GABRA1: variants seen among roughly 807,000 people sequenced by gnomAD.
The protein encoded by GABRA1 is gamma-aminobutyric acid type A receptor subunit alpha1.
In GABRA1, 9 loss-of-function variants were observed where a neutral mutation model predicts 48.9. That is an observed-to-expected ratio of 0.18 (90% CI 0.11 to 0.32). The LOEUF (loss-of-function observed/expected upper bound fraction) is 0.32, where lower values mean the gene tolerates loss of function less well. Among genes scored for constraint, GABRA1 ranks in the 10% least tolerant of loss-of-function variants. GABRA1 has a pLI of 1.00. For missense variants in GABRA1, 285 were observed against 553.8 expected (o/e 0.51, Z 4.87); for synonymous variants, 210 against 198.7 (o/e 1.06, Z -0.48).
intron 3 of GABRA1, among the ~76,000 whole-genome samples, chr5:161,857,345 A>G (rs906668328): frequency 6.6e-6 from 1 of 151,528 alleles, no homozygotes; most frequent in Non-Finnish European, 1.5e-5. Flanking sequence ...AAACTCCTGT[A>G]TTTGCAAATC....
chr5:161,864,554 A>G (rs1354002386), intron 3 of GABRA1, among the ~76,000 whole-genome samples: 1 of 151,974 alleles, frequency 6.6e-6, no homozygotes, highest in African/African-American at 2.4e-5. Context: ...ATTCAAAGGA[A>G]TTTATAAAAG....
chr5:161,889,116 G>T (rs1754977134), intron 7 of GABRA1, among the ~76,000 whole-genome samples: 1 of 151,996 alleles, frequency 6.6e-6, no homozygotes, highest in Non-Finnish European at 1.5e-5. Context: ...TAAAGGGCAG[G>T]TGCTATTATC....
chr5:161,883,060 C>A (rs1754685578), intron 7 of GABRA1, among the ~76,000 whole-genome samples: 1 of 152,126 alleles, frequency 6.6e-6, no homozygotes. Flanking sequence ...GGAAGAAATA[C>A]ATTAAATTCT....
At chr5:161,862,117 T>C (rs900083495) in intron 3 of GABRA1, among the ~76,000 whole-genome samples, 2 of 151,904 alleles carry the variant, frequency 1.3e-5, no homozygotes, top group Non-Finnish European at 2.9e-5. Flanking sequence ...TTACAGTCAC[T>C]CTTGCATTTC....
chr5:161,895,827 A>T lies in GABRA1; in HGVS notation c.1018A>T (p.Arg340Ter). The change falls in exon 9 of 10, where the codon AGA becomes TGA. Residue 340 changes from arginine to a stop codon, truncating the protein, a stop_gained. Transcript: ENST00000393943. LOFTEE classifies it high-confidence loss of function. ...EFATVNYFTK[R>*]GYAWDGKSVV... ...TGCCACAGTAAACTATTTCACTAAG[A>T]GAGGTTATGCATGGGATGGCAAAAG... 2 of 1,613,986 alleles carry T rather than the reference A, an allele frequency of 1.2e-6. No individual in the cohort carries two copies. Among genetic ancestry groups the T allele is most frequent in the Non-Finnish European group, 1.7e-6 (2 of 1,179,924 alleles).
chr5:161,899,920 C>T lies in GABRA1; in HGVS notation c.*2498C>T, dbSNP rs1755539971. On this transcript the variant is annotated 3_prime_UTR_variant, in exon 10 of 10. Coordinates refer to ENST00000393943, the MANE Select transcript of GABRA1 (RefSeq NM_001127644.2). ...TAATTTTATGTCATACTGTATTCTA[C>T]TGAATAATAAAGCTAACATTATTCA... 6.6e-6 allele frequency: 1 copy of T among 152,148 alleles called. No individual in the cohort carries two copies. The highest frequency in any genetic ancestry group is 1.5e-5 in the Non-Finnish European group (1 of 68,020). 9.4% of individuals were successfully genotyped at this position (152,148 alleles called of 1,614,324 possible).
intron 2 of GABRA1, among the ~76,000 whole-genome samples, chr5:161,852,796 A>C (rs770514122): frequency 1.4e-4 from 21 of 151,986 alleles, no homozygotes; most frequent in Non-Finnish European, 3.1e-4. Flanking sequence ...TAGTAACTTT[A>C]TCAAATTAAA....
intron 2 of GABRA1, among the ~76,000 whole-genome samples, chr5:161,852,583 A>G (rs1757489616): frequency 6.6e-6 from 1 of 151,950 alleles, no homozygotes; most frequent in Non-Finnish European, 1.5e-5. Context: ...TTTTTGCCTT[A>G]CTGTTGTCTT....
At chr5:161,881,445 C>T (rs1754609424) in intron 6 of GABRA1, among the ~76,000 whole-genome samples, 1 of 152,042 alleles carries the variant, frequency 6.6e-6, no homozygotes. Flanking sequence ...TATGACCTAA[C>T]CTCTTATTAG....
At chr5:161,890,547 G>A (rs1463441758) in intron 7 of GABRA1, among the ~76,000 whole-genome samples, 1 of 151,958 alleles carries the variant, frequency 6.6e-6, no homozygotes, top group Non-Finnish European at 1.5e-5. Flanking sequence ...TGACCCATTG[G>A]TCTATGTCAC....
At position 161,865,646 on chromosome 5, in the gene GABRA1, G is replaced by T. The variant is rs983669389; in HGVS notation, c.188-75G>T. On this transcript the variant is annotated intron_variant, in intron 3 of 9. Coordinates refer to ENST00000393943, the MANE Select transcript of GABRA1 (RefSeq NM_001127644.2). ...CAAAGACAATCAATTTCCCATTTGG[G>T]TGTCAGTATGTGGTGGTGAGATCTA... The T allele has an allele frequency of 4.2e-5, 47 of 1,124,358 alleles. 1 individual carries two copies. Among genetic ancestry groups the T allele is most frequent in the South Asian group, 2.8e-4 (23 of 81,188 alleles). The allele number at this position is 1,124,358 out of a possible 1,614,324, so 69.6% of individuals were successfully genotyped here.
At position 161,897,654 on chromosome 5, in the gene GABRA1, C is replaced by A. The variant is rs1404524583; in HGVS notation, c.*232C>A. 1 of 506,438 alleles carries A rather than the reference C, an allele frequency of 2.0e-6. No homozygotes were observed. The highest frequency in any genetic ancestry group is 3.5e-6 in the Non-Finnish European group (1 of 286,936). The allele number at this position is 506,438 out of a possible 1,614,324, so 31.4% of individuals were successfully genotyped here. A position where few individuals can be genotyped will look rare whatever the true frequency, so the allele number is the denominator to read the frequency against. Reference sequence around the variant, plus strand: ...AGCAAGCGAAAGAGCAAAGTCATGTCAGAAGGAGACAGAATGAGAGAGAAA... The same window carrying A: ...AGCAAGCGAAAGAGCAAAGTCATGTAAGAAGGAGACAGAATGAGAGAGAAA... On this transcript the variant is annotated 3_prime_UTR_variant, in exon 10 of 10. Transcript: ENST00000393943.
chr5:161,887,000 G>GA (rs563287414), intron 7 of GABRA1, among the ~76,000 whole-genome samples: 180 of 151,988 alleles, frequency 1.2e-3, no homozygotes, highest in African/African-American at 4.2e-3. Flanking sequence ...AACTTATAAA[G>GA]AAAAACAAAA....
intron 3 of GABRA1, among the ~76,000 whole-genome samples, chr5:161,854,616 T>A (rs372466827): frequency 6.6e-6 from 1 of 151,734 alleles, no homozygotes; most frequent in South Asian, 2.1e-4. Flanking sequence ...GGTACTGGTA[T>A]GTTTGCATTT....
At chr5:161,863,098 C>T (rs568205066) in intron 3 of GABRA1, among the ~76,000 whole-genome samples, 164 of 151,650 alleles carry the variant, frequency 1.1e-3, no homozygotes, top group African/African-American at 3.7e-3. Context: ...GTAGAAAATT[C>T]CCAGGAAAAA....
Position 161,898,019 on chromosome 5 carries a change from G to T in GABRA1, c.*597G>T, listed in dbSNP as rs1168926279. ...AAAAAAAGGCCTAATGCATTATTTT[G>T]TCATAAAATGCTATTTTAAAATTCA... On this transcript the variant is annotated 3_prime_UTR_variant, in exon 10 of 10. Coordinates refer to ENST00000393943, the MANE Select transcript of GABRA1 (RefSeq NM_001127644.2). The T allele has an allele frequency of 1.4e-5, 2 of 147,452 alleles. No individual in the cohort carries two copies. 9.1% of individuals were successfully genotyped at this position (147,452 alleles called of 1,614,324 possible).
At chr5:161,860,557 G>A (rs1757812677) in intron 3 of GABRA1, among the ~76,000 whole-genome samples, 1 of 151,770 alleles carries the variant, frequency 6.6e-6, no homozygotes, top group African/African-American at 2.4e-5. Flanking sequence ...AAATGACTAA[G>A]ACCTAGTATT....
intron 3 of GABRA1, among the ~76,000 whole-genome samples, chr5:161,863,180 CA>C (rs1402196178): frequency 6.6e-6 from 1 of 151,514 alleles, no homozygotes; most frequent in Non-Finnish European, 1.5e-5. Flanking sequence ...TACACATATA[CA>C]GTGTGTATAT....
At chr5:161,885,255 AT>A (rs1754793338) in intron 7 of GABRA1, among the ~76,000 whole-genome samples, 1 of 152,114 alleles carries the variant, frequency 6.6e-6, no homozygotes, top group African/African-American at 2.4e-5. Context: ...ACCTTGATAG[AT>A]TTCAGTAGAA....
Sources: allele counts gnomAD v4.1 joint callset (sites outside exome capture counted in the v4.1 genomes callset), GRCh38; gene constraint gnomAD v4.1.1; transcripts MANE v1.5; gene names NCBI Gene and HGNC (gene_info 2026-07-23, HGNC 2026-07-21).